Variants in AMD1 observed in about 807,000 individuals in gnomAD.
AMD1 encodes the protein S-adenosylmethionine decarboxylase proenzyme.
AMD1 carries 11 observed loss-of-function variants against 40.2 expected under a neutral mutation model. The ratio of observed to expected loss-of-function variants is 0.27; its 90% CI spans 0.17 to 0.45. The LOEUF (loss-of-function observed/expected upper bound fraction) is 0.45. AMD1 is among the 20% of genes least tolerant of loss of function. The pLI, the probability that AMD1 is intolerant of heterozygous loss-of-function variation, is 1.00. For missense variants in AMD1, 257 were observed against 410.2 expected (o/e 0.63, Z 3.23); for synonymous variants, 121 against 130.8 (o/e 0.93, Z 0.51).
At chr6:110,883,348 C>T (rs942100662) in intron 1 of AMD1, among the ~76,000 whole-genome samples, 7 of 152,152 alleles carry the variant, frequency 4.6e-5, no homozygotes, top group African/African-American at 1.7e-4. Context: ...TATCTCCTCG[C>T]TGATTTCTCC....
At chr6:110,871,396 T>C (rs1289546054), upstream of AMD1, among the ~76,000 whole-genome samples, 1 of 152,186 alleles carries the variant, frequency 6.6e-6, no homozygotes, top group Non-Finnish European at 1.5e-5. Context: ...GGGAGCTAAT[T>C]TTGTGCTCTG....
chr6:110,862,470 AT>A, the AMD1 span, among the ~76,000 whole-genome samples: 473 of 119,822 alleles, frequency 3.9e-3, 1 homozygote, highest in African/African-American at 5.1e-3. Context: ...CTATTTACTT[AT>A]TTTTTTTTTT....
At chr6:110,844,481 T>C in the AMD1 span, among the ~76,000 whole-genome samples, 2 of 151,790 alleles carry the variant, frequency 1.3e-5, no homozygotes, top group Non-Finnish European at 2.9e-5. Flanking sequence ...TTATGATATC[T>C]AGATGAAGGC....
At chr6:110,858,316 T>C in the AMD1 span, 15 of 834,478 alleles carry the variant, frequency 1.8e-5, no homozygotes, top group East Asian at 2.5e-5. Flanking sequence ...TGTGCAAATA[T>C]GACCCCCAGA....
chr6:110,846,661 G>A, the AMD1 span, among the ~76,000 whole-genome samples: 1 of 152,086 alleles, frequency 6.6e-6, no homozygotes, highest in Non-Finnish European at 1.5e-5. Context: ...CACAAGGTCA[G>A]GAGTTCAAGA....
chr6:110,858,265 C>T, the AMD1 span: 4,405 of 956,722 alleles, frequency 4.6e-3, 138 homozygotes, highest in African/African-American at 0.063. Context: ...TCAACAAGGA[C>T]CCCTCGTACG....
chr6:110,832,655 AT>A, the AMD1 span, among the ~76,000 whole-genome samples: 7 of 152,050 alleles, frequency 4.6e-5, no homozygotes, highest in Non-Finnish European at 7.4e-5. Flanking sequence ...CTTTATTTTT[AT>A]TTACTTTTTA....
At chr6:110,836,716 C>G in the AMD1 span, among the ~76,000 whole-genome samples, 5 of 152,004 alleles carry the variant, frequency 3.3e-5, no homozygotes, top group South Asian at 2.1e-4. Flanking sequence ...GTACTTTTCT[C>G]TGTCCTGACC....
chr6:110,835,874 AC>A, the AMD1 span, among the ~76,000 whole-genome samples: 1 of 145,394 alleles, frequency 6.9e-6, no homozygotes, highest in Non-Finnish European at 1.5e-5. Flanking sequence ...CCCCCACCCC[AC>A]CCCCCAAAAA....
intron 1 of AMD1, among the ~76,000 whole-genome samples, chr6:110,887,070 T>C (rs969595114): frequency 2.0e-5 from 3 of 152,212 alleles, no homozygotes; most frequent in African/African-American, 7.2e-5. Flanking sequence ...CATCACTCAC[T>C]GTGTCCCGAC....
At chr6:110,818,986 A>C in the AMD1 span, among the ~76,000 whole-genome samples, 1 of 152,194 alleles carries the variant, frequency 6.6e-6, no homozygotes, top group Non-Finnish European at 1.5e-5. Flanking sequence ...GTATTAAGCA[A>C]ATTCTCTGAC....
the AMD1 span, among the ~76,000 whole-genome samples, chr6:110,838,593 TC>T: frequency 6.6e-6 from 1 of 151,808 alleles, no homozygotes; most frequent in Non-Finnish European, 1.5e-5. Flanking sequence ...GAGCAGTGGG[TC>T]ACGCCTGTAA....
the AMD1 span, among the ~76,000 whole-genome samples, chr6:110,823,064 G>A: frequency 1.3e-5 from 2 of 152,242 alleles, no homozygotes; most frequent in Admixed American, 1.3e-4. Context: ...GTGGCGAGCC[G>A]AGATTGTACC....
intron 1 of AMD1, among the ~76,000 whole-genome samples, chr6:110,876,148 G>A (rs940935420): frequency 6.6e-6 from 1 of 152,242 alleles, no homozygotes; most frequent in Admixed American, 6.5e-5. Flanking sequence ...GGCTGACCGC[G>A]CCGAAGAGGC....
the AMD1 span, among the ~76,000 whole-genome samples, chr6:110,836,655 GTTTA>G: frequency 6.6e-6 from 1 of 151,918 alleles, no homozygotes; most frequent in South Asian, 2.1e-4. Flanking sequence ...GGCTTGTTTT[GTTTA>G]TTTGTTTTTT....
At chr6:110,885,140 G>A (rs549634596) in intron 1 of AMD1, among the ~76,000 whole-genome samples, 1 of 152,130 alleles carries the variant, frequency 6.6e-6, no homozygotes, top group African/African-American at 2.4e-5. Context: ...TTTTGAGATG[G>A]AGATTCACTT....
chr6:110,864,154 G>A, the AMD1 span: 1 of 168,884 alleles, frequency 5.9e-6, no homozygotes, highest in South Asian at 1.3e-4. Flanking sequence ...AGACGGGCCA[G>A]GCTGGTCTTG....
intron 2 of AMD1, among the ~76,000 whole-genome samples, chr6:110,888,098 G>A (rs984853887): frequency 2.6e-5 from 4 of 152,072 alleles, no homozygotes; most frequent in African/African-American, 7.2e-5. Flanking sequence ...GGTGTTTGCC[G>A]TCTTTTCCTC....
At chr6:110,819,742 T>C in the AMD1 span, among the ~76,000 whole-genome samples, 1 of 152,190 alleles carries the variant, frequency 6.6e-6, no homozygotes, top group African/African-American at 2.4e-5. Context: ...CCCAGGAAGC[T>C]AGGTGTTTTT....
Sources: allele counts gnomAD v4.1 joint callset (sites outside exome capture counted in the v4.1 genomes callset), GRCh38; gene constraint gnomAD v4.1.1; transcripts MANE v1.5; gene names NCBI Gene and HGNC (gene_info 2026-07-23, HGNC 2026-07-21).